Variants in PTPN11 observed in about 807,000 individuals in gnomAD.
PTPN11 encodes protein tyrosine phosphatase non-receptor type 11, also known as tyrosine-protein phosphatase non-receptor type 11.
A neutral mutation model predicts 78.8 loss-of-function variants in PTPN11; 6 were observed. The ratio of observed to expected loss-of-function variants is 0.08; its 90% CI spans 0.04 to 0.15. PTPN11 has a LOEUF of 0.15. PTPN11 is among the 10% of genes least tolerant of loss of function. The pLI, the probability that PTPN11 is intolerant of heterozygous loss-of-function variation, is 1.00. For missense variants in PTPN11, 386 were observed against 744.8 expected (o/e 0.52, Z 5.61); for synonymous variants, 221 against 263.5 (o/e 0.84, Z 1.56).
chr12:112,421,526 G>T (rs1452862301), intron 1 of PTPN11, among the ~76,000 whole-genome samples: 1 of 152,084 alleles, frequency 6.6e-6, no homozygotes, highest in Non-Finnish European at 1.5e-5. Context: ...TGTTGCCCAG[G>T]GCAGTCTCAA....
chr12:112,430,090 G>A (rs956070633), intron 1 of PTPN11, among the ~76,000 whole-genome samples: 8 of 151,418 alleles, frequency 5.3e-5, no homozygotes, highest in African/African-American at 1.9e-4. Flanking sequence ...GCACCATCTC[G>A]GCTCACTGCA....
At chr12:112,474,880 A>G (rs916335527) in intron 7 of PTPN11, among the ~76,000 whole-genome samples, 6 of 151,612 alleles carry the variant, frequency 4.0e-5, no homozygotes, top group African/African-American at 9.7e-5. Flanking sequence ...ATCTGCCTGC[A>G]TCGGCCTCCC....
chr12:112,446,032 C>T (rs559590886), intron 1 of PTPN11, among the ~76,000 whole-genome samples: 55 of 152,222 alleles, frequency 3.6e-4, no homozygotes, highest in African/African-American at 1.3e-3. Flanking sequence ...TGTCTTAATA[C>T]CCTAGCCCCC....
In PTPN11 at chr12:112,507,971, C is replaced by T. The variant is rs1269783582; in HGVS notation, c.*2179C>T. 6.6e-6 allele frequency: 1 copy of T among 152,642 alleles called. No homozygotes were observed. The highest frequency in any genetic ancestry group is 2.4e-5 in the African/African-American group (1 of 41,460). 9.5% of individuals were successfully genotyped at this position (152,642 alleles called of 1,614,324 possible). A position where few individuals can be genotyped will look rare whatever the true frequency, so the allele number is the denominator to read the frequency against. ...CCAGTTCAGTATTTGCAGCAAGAAG[C>T]TTGAATGCTGTTCTTTTTATCGCAT... On this transcript the variant is annotated 3_prime_UTR_variant, in exon 16 of 16. Coordinates refer to ENST00000351677, the MANE Select transcript of PTPN11 (RefSeq NM_002834.5).
intron 1 of PTPN11, among the ~76,000 whole-genome samples, chr12:112,420,069 G>A (rs1048473321): frequency 2.6e-5 from 4 of 152,218 alleles, no homozygotes; most frequent in Non-Finnish European, 5.9e-5. Flanking sequence ...CTAGTAGGTG[G>A]TGGAGACAGA....
In PTPN11 at chr12:112,486,549, G is replaced by A. The variant is rs1327469124; in HGVS notation, c.1299G>A (p.Gly433=). The A allele has an allele frequency of 6.2e-7, 1 of 1,614,078 alleles. No individual in the cohort carries two copies. Among genetic ancestry groups the A allele is most frequent in the Non-Finnish European group, 8.5e-7 (1 of 1,180,056 alleles). Reference sequence around the variant, plus strand: ...ACCACGGCGTGCCCAGCGACCCTGGGGGCGTGCTGGACTTCCTGGAGGAGG... The same window carrying A: ...ACCACGGCGTGCCCAGCGACCCTGGAGGCGTGCTGGACTTCCTGGAGGAGG... ...WPDHGVPSDP[G]GVLDFLEEVH... Residue 433 remains glycine, a synonymous_variant, in exon 11 of 16, where the codon GGG becomes GGA. Coordinates refer to ENST00000351677, the MANE Select transcript of PTPN11 (RefSeq NM_002834.5).
At chr12:112,422,272 G>A (rs959758673) in intron 1 of PTPN11, among the ~76,000 whole-genome samples, 4 of 152,202 alleles carry the variant, frequency 2.6e-5, no homozygotes, top group African/African-American at 9.6e-5. Flanking sequence ...TAATTAAAAT[G>A]TAAGTATATT....
At chr12:112,503,398 G>A (rs780996113) in intron 14 of PTPN11, among the ~76,000 whole-genome samples, 8 of 151,882 alleles carry the variant, frequency 5.3e-5, no homozygotes, top group Non-Finnish European at 7.4e-5. Context: ...GTTTGCTTTC[G>A]ACATGGATTT....
chr12:112,442,076 C>T (rs946595429), intron 1 of PTPN11, among the ~76,000 whole-genome samples: 3 of 152,266 alleles, frequency 2.0e-5, no homozygotes. Context: ...CGCGCCTGCC[C>T]AAGAATATCT....
At chr12:112,435,654 T>G (rs1221842654) in intron 1 of PTPN11, among the ~76,000 whole-genome samples, 1 of 151,748 alleles carries the variant, frequency 6.6e-6, no homozygotes, top group Non-Finnish European at 1.5e-5. Context: ...AAGGTTTTTT[T>G]TTTTTTTTTT....
At position 112,454,547 on chromosome 12, in the gene PTPN11, T is replaced by C. The variant is rs375184329; in HGVS notation, c.526-17T>C. On this transcript the variant is annotated splice_polypyrimidine_tract_variant and intron_variant, in intron 4 of 15. Coordinates refer to ENST00000351677, the MANE Select transcript of PTPN11 (RefSeq NM_002834.5). ...TAAAGGTAACAAATAATAAATGTCA[T>C]GTGTTTATCTTGAAAGGAACTGAAA... 1.8e-4 allele frequency: 281 copies of C among 1,554,058 alleles called. No homozygotes were observed. In the African/African-American group the frequency reaches 2.7e-3, roughly 15 times the overall value.
intron 9 of PTPN11, among the ~76,000 whole-genome samples, chr12:112,480,181 C>G (rs545460331): frequency 3.7e-4 from 56 of 152,170 alleles, no homozygotes; most frequent in African/African-American, 1.3e-3. Context: ...GGTGAGTTCC[C>G]TATAGTGACT....
At chr12:112,493,652 G>GTT (rs1180962718) in intron 13 of PTPN11, among the ~76,000 whole-genome samples, 4 of 152,068 alleles carry the variant, frequency 2.6e-5, no homozygotes, top group African/African-American at 7.2e-5. Flanking sequence ...GCCTCCCAAA[G>GTT]TACTGAGATT....
intron 6 of PTPN11, among the ~76,000 whole-genome samples, chr12:112,460,371 T>A (rs971960046): frequency 3.0e-4 from 46 of 152,344 alleles, no homozygotes; most frequent in African/African-American, 1.0e-3. Context: ...ATTATCCCTG[T>A]CATCATATTT....
rs1482686091 is a variant in PTPN11, at chr12:112,508,838, G to A, written c.*3046G>A. The A allele has an allele frequency of 2.6e-5, 4 of 152,204 alleles. No homozygotes were observed. The highest frequency in any genetic ancestry group is 7.2e-5 in the African/African-American group (3 of 41,428). The allele number at this position is 152,204 out of a possible 1,614,324, so 9.4% of individuals were successfully genotyped here. On this transcript the variant is annotated 3_prime_UTR_variant, in exon 16 of 16. Transcript: ENST00000351677. ...GCTAAATGGGGATGAGGAGACACGGGTAGGACTTTCTTGGTGTGTGTGCAT... is the reference window on the plus strand; with the variant it reads ...GCTAAATGGGGATGAGGAGACACGGATAGGACTTTCTTGGTGTGTGTGCAT...
chr12:112,477,701 T>C lies in PTPN11; in HGVS notation c.904T>C (p.Ser302Pro). 1 of 1,613,340 alleles carries C rather than the reference T, an allele frequency of 6.2e-7. No individual in the cohort carries two copies. The highest frequency in any genetic ancestry group is 8.5e-7 in the Non-Finnish European group (1 of 1,179,314). The change falls in exon 8 of 16, where the codon TCA (serine) becomes CCA (proline). Residue 302 changes from serine (S) to proline (P), a missense_variant. This residue lies in a region of PTPN11 where 279 missense variants were observed against 503.3 expected (regional missense o/e 0.55). Transcript: ENST00000351677. ...LHDGDPNEPV[S>P]DYINANIIMP... ...CGATGGTGATCCCAATGAGCCTGTT[T>C]CAGATTACATCAATGCAAATATCAT...
chr12:112,500,257 C>CA (rs1201422699), intron 13 of PTPN11, among the ~76,000 whole-genome samples: 6 of 152,028 alleles, frequency 3.9e-5, no homozygotes, highest in Non-Finnish European at 7.4e-5. Context: ...ACAACAACAA[C>CA]AAAAAAACCA....
At chr12:112,431,074 C>T (rs908046615) in intron 1 of PTPN11, among the ~76,000 whole-genome samples, 2 of 152,196 alleles carry the variant, frequency 1.3e-5, no homozygotes, top group Admixed American at 6.5e-5. Context: ...CTCTTGAGTA[C>T]GTGGAGTTGG....
At chr12:112,505,674 A>AAAAAAAAC (rs1566193982) in intron 15 of PTPN11, among the ~76,000 whole-genome samples, 151 bp from the exon 16 acceptor site, 6 of 150,540 alleles carry the variant, frequency 4.0e-5, no homozygotes, top group Admixed American at 2.0e-4. Context: ...AAAAAAAAAA[A>AAAAAAAAC]AAAAAAACTC....
Sources: allele counts gnomAD v4.1 joint callset (sites outside exome capture counted in the v4.1 genomes callset), GRCh38; gene constraint gnomAD v4.1.1; regional missense constraint gnomAD v4.1.1; transcripts MANE v1.5; gene names NCBI Gene and HGNC (gene_info 2026-07-23, HGNC 2026-07-21).